DCLK1: variants seen among roughly 807,000 people sequenced by gnomAD.
The protein encoded by DCLK1 is doublecortin like kinase 1, also known as serine/threonine-protein kinase DCLK1.
In DCLK1, 16 loss-of-function variants were observed where a neutral mutation model predicts 86.2. The observed-to-expected ratio is 0.19, with a 90% confidence interval of 0.13 to 0.28. The LOEUF (loss-of-function observed/expected upper bound fraction) is 0.28. Among genes scored for constraint, DCLK1 ranks in the 10% least tolerant of loss-of-function variants. The probability of loss-of-function intolerance (pLI) is 1.00; values close to 1 mark genes in which losing one functional copy is unlikely to be tolerated. For missense variants in DCLK1, 590 were observed against 940.2 expected (o/e 0.63, Z 4.87); for synonymous variants, 369 against 370.5 (o/e 1.00, Z 0.05).
At chr13:36,020,236 C>A (rs963334821) in intron 3 of DCLK1, among the ~76,000 whole-genome samples, 6 of 152,072 alleles carry the variant, frequency 3.9e-5, no homozygotes, top group African/African-American at 1.2e-4. Flanking sequence ...CTCAAGTATT[C>A]TTTTGTAGTA....
intron 4 of DCLK1, among the ~76,000 whole-genome samples, chr13:35,911,990 C>T (rs1283560554): frequency 6.6e-6 from 1 of 152,164 alleles, no homozygotes; most frequent in Non-Finnish European, 1.5e-5. Context: ...AACCATGCTT[C>T]CCAAGTGAGC....
rs1355679226 is a variant in DCLK1, at chr13:35,769,941, G to A, written c.*4594C>T. On this transcript the variant is annotated 3_prime_UTR_variant, in exon 17 of 17. Transcript: ENST00000360631. The stretch of plus-strand genomic sequence containing the variant: ...TCATGATCAAAACACATGCCAGTTA[G>A]AAACTTGATCACAGAAATGATGCTC... The A allele has an allele frequency of 6.6e-6, 1 of 152,168 alleles. No individual in the cohort carries two copies. Among genetic ancestry groups the A allele is most frequent in the African/African-American group, 2.4e-5 (1 of 41,446 alleles). 9.4% of individuals were successfully genotyped at this position (152,168 alleles called of 1,614,324 possible).
At chr13:36,127,544 C>T (rs1886230336) in intron 1 of DCLK1, among the ~76,000 whole-genome samples, 1 of 152,218 alleles carries the variant, frequency 6.6e-6, no homozygotes, top group Non-Finnish European at 1.5e-5. Flanking sequence ...ACCTACCTCA[C>T]AGTCAGTATT....
At chr13:35,849,891 G>A (rs1870486280) in intron 6 of DCLK1, 5 of 961,362 alleles carry the variant, frequency 5.2e-6, no homozygotes, top group Admixed American at 6.2e-5. Context: ...CCCAGCTTTA[G>A]TTTTTACACA....
chr13:35,787,585 G>T (rs1354644246), intron 16 of DCLK1, among the ~76,000 whole-genome samples: 1 of 152,082 alleles, frequency 6.6e-6, no homozygotes, highest in East Asian at 1.9e-4. Context: ...ACAGTTACAA[G>T]ATATTGAAAA....
At chr13:35,784,982 G>A (rs1324027105) in intron 16 of DCLK1, among the ~76,000 whole-genome samples, 9 of 152,100 alleles carry the variant, frequency 5.9e-5, no homozygotes, top group Admixed American at 2.6e-4. Context: ...GCATGACAGC[G>A]CGGCCATCAC....
rs372579091 is a variant in DCLK1, at chr13:36,111,983, A to G, written c.609T>C (p.Ile203=). ...AATGAGCCGTTTTCTTGTTCAGCAG[A>G]ATCCTGACAGCTTTCCGTGGCTTCA... ...SGVKPRKAVR[I]LLNKKTAHSF... is the part of the protein sequence containing the mutation. The change falls in exon 3 of 17, where the codon ATT becomes ATC. Residue 203 remains isoleucine, a synonymous_variant. Transcript: ENST00000360631. The G allele has an allele frequency of 1.2e-6, 2 of 1,614,232 alleles. No individual in the cohort carries two copies. Among genetic ancestry groups the G allele is most frequent in the South Asian group, 2.2e-5 (2 of 91,088 alleles).
intron 3 of DCLK1, among the ~76,000 whole-genome samples, chr13:36,087,713 A>G (rs1884662726): frequency 6.6e-6 from 1 of 151,354 alleles, no homozygotes; most frequent in Admixed American, 6.6e-5. Context: ...CCTCCTCTCC[A>G]CTCTCTTCTA....
chr13:35,779,909 T>C (rs2086494333), intron 16 of DCLK1, among the ~76,000 whole-genome samples: 2 of 152,110 alleles, frequency 1.3e-5, no homozygotes, highest in Non-Finnish European at 2.9e-5. Flanking sequence ...GAAATAGCAC[T>C]GTAGGCTAAT....
chr13:36,120,813 A>G (rs923298637), intron 2 of DCLK1, among the ~76,000 whole-genome samples: 10 of 152,008 alleles, frequency 6.6e-5, no homozygotes, highest in Non-Finnish European at 1.0e-4. Flanking sequence ...GAGAAGACAT[A>G]CAGTTTTCTT....
rs58663396 is a variant in DCLK1 at position 36,063,457 on chromosome 13, GA to G, written c.723+48411del. On this transcript the variant is annotated intron_variant, in intron 3 of 16. Transcript: ENST00000360631. The stretch of plus-strand genomic sequence containing the variant: ...CTGACCATTTTCAAAATATATAAGA[GA>G]AAAAAATATGCACAGTTACTCTGCT... 5.6e-3 allele frequency among the ~76,000 whole-genome samples: 857 copies of G among 152,100 alleles called. 12 individuals are homozygous for G. Among genetic ancestry groups the G allele is most frequent in the African/African-American group, 0.019 (805 of 41,512 alleles).
At chr13:35,857,235 CATTTTG>C (rs1168167817) in intron 5 of DCLK1, among the ~76,000 whole-genome samples, 1 of 152,088 alleles carries the variant, frequency 6.6e-6, no homozygotes, top group Non-Finnish European at 1.5e-5. Context: ...AGGGCATGTG[CATTTTG>C]ATTTTAATTG....
rs144413180 is a variant in DCLK1, at chr13:35,909,161, A to G, written c.824-37821T>C. 1.5e-3 allele frequency among the ~76,000 whole-genome samples: 236 copies of G among 152,266 alleles called. 6 individuals are homozygous for G. The East Asian group carries it at 0.043, about 28-fold the overall frequency. On this transcript the variant is annotated intron_variant, in intron 4 of 16. Coordinates refer to ENST00000360631, the MANE Select transcript of DCLK1 (RefSeq NM_001330071.2). ...CAATAGCACCCGGGAGCGGCATTTT[A>G]TGTTGCAGAAAAAGAAATGAGGTGG...
chr13:35,790,525 A>G (rs1016239475), intron 16 of DCLK1, among the ~76,000 whole-genome samples: 3 of 152,216 alleles, frequency 2.0e-5, no homozygotes, highest in Non-Finnish European at 4.4e-5. Context: ...AATTAGTCCC[A>G]TGGTAAAGGC....
At chr13:35,849,599 C>T (rs1490309916) in intron 6 of DCLK1, 13 of 977,106 alleles carry the variant, frequency 1.3e-5, no homozygotes, top group East Asian at 1.1e-4. Context: ...TAAGCAAAGA[C>T]GACTATAATT....
chr13:36,017,996 C>T (rs901368070), intron 3 of DCLK1, among the ~76,000 whole-genome samples: 1 of 152,186 alleles, frequency 6.6e-6, no homozygotes, highest in African/African-American at 2.4e-5. Context: ...ACTCTATTTG[C>T]ACTGCTAATA....
chr13:35,826,698 T>A (rs1474156739), intron 10 of DCLK1, among the ~76,000 whole-genome samples: 1 of 152,048 alleles, frequency 6.6e-6, no homozygotes, highest in Non-Finnish European at 1.5e-5. Context: ...AGAATGAACA[T>A]TTTTCATATC....
intron 8 of DCLK1, 86 bp downstream of exon 8, chr13:35,835,947 C>T: frequency 9.7e-7 from 1 of 1,029,460 alleles, no homozygotes; most frequent in Non-Finnish European, 1.4e-6. Flanking sequence ...CCATATGTGC[C>T]ACAGACTGGA....
chr13:35,832,620 G>C (rs954826624), intron 8 of DCLK1, among the ~76,000 whole-genome samples: 4 of 152,162 alleles, frequency 2.6e-5, no homozygotes. Context: ...TTAGCACAAT[G>C]ACAGGAATAC....
Sources: gnomAD v4.1 joint callset for allele counts (sites outside exome capture counted in the v4.1 genomes callset) on GRCh38, gnomAD v4.1.1 for gene constraint, MANE v1.5 for transcripts, NCBI Gene and HGNC (gene_info 2026-07-23, HGNC 2026-07-21) for gene names.